The following RCAN2 variants were observed in gnomAD, a reference collection of about 807,000 sequenced individuals.
The protein encoded by RCAN2 is calcipressin-2.
Under a neutral mutation model 23.6 loss-of-function variants are expected in RCAN2, and 9 were observed. The ratio of observed to expected loss-of-function variants is 0.38; its 90% CI spans 0.23 to 0.67. The LOEUF (loss-of-function observed/expected upper bound fraction) is 0.67. Ranked by LOEUF, RCAN2 falls within the 30% of genes least tolerant of loss-of-function variation. The probability of loss-of-function intolerance (pLI) is 0.51; values close to 1 mark genes in which losing one functional copy is unlikely to be tolerated. For synonymous variants in RCAN2, 109 were observed against 115.7 expected (o/e 0.94, Z 0.37); for missense variants, 273 against 302.3 (o/e 0.90, Z 0.72).
chr6:46,283,971 G>A (rs1762287243), intron 2 of RCAN2, among the ~76,000 whole-genome samples: 1 of 152,118 alleles, frequency 6.6e-6, no homozygotes, highest in South Asian at 2.1e-4. Context: ...GAATCTAGGT[G>A]GCAGTTGGTT....
At chr6:46,417,991 G>T (rs916572975) in intron 2 of RCAN2, among the ~76,000 whole-genome samples, 3 of 152,108 alleles carry the variant, frequency 2.0e-5, no homozygotes, top group Admixed American at 2.0e-4. Flanking sequence ...TCTGAAACTT[G>T]AATCCAGCTG....
intron 2 of RCAN2, among the ~76,000 whole-genome samples, chr6:46,447,639 T>C (rs1419494998): frequency 1.3e-5 from 2 of 151,842 alleles, no homozygotes; most frequent in African/African-American, 4.8e-5. Flanking sequence ...TAAAATCATA[T>C]CAAACATCTT....
intron 2 of RCAN2, among the ~76,000 whole-genome samples, chr6:46,413,956 C>T (rs914802544): frequency 7.9e-5 from 12 of 152,126 alleles, no homozygotes; most frequent in African/African-American, 1.7e-4. Context: ...AGCAAGACCA[C>T]GGCCCCCAGC....
chr6:46,381,258 G>T (rs1168185224), intron 2 of RCAN2, among the ~76,000 whole-genome samples: 4 of 152,136 alleles, frequency 2.6e-5, no homozygotes, highest in Admixed American at 2.6e-4. Context: ...AACAATCCAG[G>T]GAGGCAGATA....
At chr6:46,465,555 G>A (rs896254715) in intron 1 of RCAN2, among the ~76,000 whole-genome samples, 1 of 152,190 alleles carries the variant, frequency 6.6e-6, no homozygotes, top group South Asian at 2.1e-4. Flanking sequence ...GAGAACAGAC[G>A]GCTGTGTGGA....
At chr6:46,276,277 T>A (rs1236531764) in intron 2 of RCAN2, among the ~76,000 whole-genome samples, 2 of 152,028 alleles carry the variant, frequency 1.3e-5, no homozygotes, top group Non-Finnish European at 2.9e-5. Flanking sequence ...GTGGATATTA[T>A]TACATCATGA....
chr6:46,373,653 C>T lies in RCAN2; in HGVS notation c.225+83099G>A, dbSNP rs550163167. ...TTTTCCTTATCTTTAAATAAGTAAT[C>T]AATGAAGATGGTGATGTGTTACTTA... On this transcript the variant is annotated intron_variant, in intron 2 of 4. Transcript: ENST00000371374. Among the ~76,000 whole-genome samples the T allele has an allele frequency of 2.0e-5, 3 of 152,222 alleles. No homozygotes were observed. The South Asian group carries it at 6.2e-4, about 32-fold the overall frequency.
chr6:46,323,123 A>T (rs1763670819), intron 2 of RCAN2, among the ~76,000 whole-genome samples: 1 of 152,146 alleles, frequency 6.6e-6, no homozygotes, highest in Non-Finnish European at 1.5e-5. Flanking sequence ...TGTGTGCTAG[A>T]CTGTCATTGT....
At chr6:46,418,960 C>T (rs1375555729) in intron 2 of RCAN2, among the ~76,000 whole-genome samples, 1 of 151,596 alleles carries the variant, frequency 6.6e-6, no homozygotes, top group African/African-American at 2.4e-5. Context: ...TGGCGGCACA[C>T]ACCTGTAGTC....
At chr6:46,243,424 A>G (rs1221176893) in intron 4 of RCAN2, among the ~76,000 whole-genome samples, 1 of 152,072 alleles carries the variant, frequency 6.6e-6, no homozygotes, top group African/African-American at 2.4e-5. Flanking sequence ...AACTCTCAAT[A>G]TTTGCTCTTG....
intron 1 of RCAN2, among the ~76,000 whole-genome samples, chr6:46,479,723 C>T (rs1014577478): frequency 7.9e-5 from 12 of 151,720 alleles, no homozygotes; most frequent in Admixed American, 3.9e-4. Context: ...GCTGGGACTA[C>T]AGGCACTCAC....
chr6:46,304,891 C>A (rs1028992607), intron 2 of RCAN2, among the ~76,000 whole-genome samples: 3 of 152,034 alleles, frequency 2.0e-5, no homozygotes, highest in Non-Finnish European at 4.4e-5. Flanking sequence ...ACGGGGGGTG[C>A]CCAGTAGAAC....
chr6:46,458,896 C>CGCGCGT (rs57335093), intron 1 of RCAN2, among the ~76,000 whole-genome samples: 55,968 of 150,078 alleles, frequency 0.37, 12,626 homozygotes, highest in East Asian at 0.59. Flanking sequence ...CGCGCGCGCA[C>CGCGCGT]GTGTGTGTGT....
At chr6:46,488,150 A>G (rs755897050) in intron 1 of RCAN2, among the ~76,000 whole-genome samples, 1 of 152,248 alleles carries the variant, frequency 6.6e-6, no homozygotes, top group Non-Finnish European at 1.5e-5. Flanking sequence ...TCCAGGATAA[A>G]AAAGAATTAT....
chr6:46,453,534 T>C (rs1767938976), intron 2 of RCAN2, among the ~76,000 whole-genome samples: 1 of 152,184 alleles, frequency 6.6e-6, no homozygotes, highest in Non-Finnish European at 1.5e-5. Flanking sequence ...GAACTTAGAA[T>C]GTAAATAGGA....
At chr6:46,476,856 G>T (rs1201520188) in intron 1 of RCAN2, among the ~76,000 whole-genome samples, 2 of 152,126 alleles carry the variant, frequency 1.3e-5, no homozygotes, top group East Asian at 3.9e-4. Context: ...TTGCCAGGGT[G>T]AGCCAAATGT....
chr6:46,256,963 T>C (rs562888762), intron 2 of RCAN2, among the ~76,000 whole-genome samples: 1 of 152,310 alleles, frequency 6.6e-6, no homozygotes, highest in South Asian at 2.1e-4. Flanking sequence ...TCACAGGGTC[T>C]ATGGAATAAA....
At chr6:46,478,970 G>A (rs116104829) in intron 1 of RCAN2, among the ~76,000 whole-genome samples, 155 of 152,286 alleles carry the variant, frequency 1.0e-3, no homozygotes, top group Admixed American at 1.7e-3. Flanking sequence ...GACAAAGGAC[G>A]ACAAAGAATC....
At chr6:46,235,855 G>A (rs926314947) in intron 4 of RCAN2, among the ~76,000 whole-genome samples, 2 of 152,126 alleles carry the variant, frequency 1.3e-5, no homozygotes, top group African/African-American at 4.8e-5. Flanking sequence ...ACTAACTTCC[G>A]TGCCAGAATA....
Sources: gnomAD v4.1 joint callset for allele counts (sites outside exome capture counted in the v4.1 genomes callset) on GRCh38, gnomAD v4.1.1 for gene constraint, MANE v1.5 for transcripts, NCBI Gene and HGNC (gene_info 2026-07-23, HGNC 2026-07-21) for gene names.